Variants in SUPT3H observed in about 807,000 individuals in gnomAD.
The protein encoded by SUPT3H is transcription initiation protein SPT3 homolog.
SUPT3H carries 44 observed loss-of-function variants against 44.3 expected under a neutral mutation model. The observed-to-expected ratio is 0.99, with a 90% CI of 0.78 to 1.28. SUPT3H has a LOEUF of 1.28. Among genes scored for constraint, SUPT3H ranks in the 50% most tolerant of loss-of-function variants. The pLI, the probability that SUPT3H is intolerant of heterozygous loss-of-function variation, is 0.00. For synonymous variants in SUPT3H, 124 were observed against 125.6 expected (o/e 0.99, Z 0.09); for missense variants, 380 against 387.1 (o/e 0.98, Z 0.15).
intron 6 of SUPT3H, among the ~76,000 whole-genome samples, chr6:45,000,146 T>C (rs1582983320): frequency 6.6e-6 from 1 of 151,962 alleles, no homozygotes; most frequent in Non-Finnish European, 1.5e-5. Context: ...ATCTTTGTAG[T>C]ATATAATTCT....
intron 2 of SUPT3H, among the ~76,000 whole-genome samples, chr6:45,330,970 T>C (rs1242186630): frequency 6.6e-6 from 1 of 151,972 alleles, no homozygotes; most frequent in African/African-American, 2.4e-5. Context: ...ATATAATGAT[T>C]ATCACCACCA....
intron 10 of SUPT3H, among the ~76,000 whole-genome samples, chr6:44,917,000 C>A (rs1028344483): frequency 6.7e-6 from 1 of 149,894 alleles, no homozygotes; most frequent in South Asian, 2.1e-4. Context: ...AACAAACAAA[C>A]AAAACTACTT....
intron 10 of SUPT3H, among the ~76,000 whole-genome samples, chr6:44,851,816 A>T (rs758000802): frequency 6.6e-6 from 1 of 152,178 alleles, no homozygotes; most frequent in Non-Finnish European, 1.5e-5. Flanking sequence ...ATTTCTATAA[A>T]AAGCTGCTCA....
At chr6:45,365,091 A>T in intron 2 of SUPT3H, 110 bp downstream of exon 2, 1 of 709,762 alleles carries the variant, frequency 1.4e-6, no homozygotes, top group Non-Finnish European at 2.1e-6. Flanking sequence ...TTACTTGATT[A>T]ATAACAAATT....
At chr6:45,015,898 G>C (rs543547775) in intron 4 of SUPT3H, among the ~76,000 whole-genome samples, 6 of 151,770 alleles carry the variant, frequency 4.0e-5, no homozygotes, top group African/African-American at 1.5e-4. Context: ...AGGTCTTCAA[G>C]GGCAATAGCA....
At chr6:45,015,041 A>T (rs1056919489) in intron 4 of SUPT3H, 150 bp from the exon 5 acceptor site, 4 of 423,170 alleles carry the variant, frequency 9.5e-6, no homozygotes, top group Non-Finnish European at 1.6e-5. Context: ...TGACATAAAA[A>T]GGTAGTCATC....
At chr6:45,151,515 A>C (rs1806968404) in intron 2 of SUPT3H, among the ~76,000 whole-genome samples, 1 of 152,164 alleles carries the variant, frequency 6.6e-6, no homozygotes, top group Non-Finnish European at 1.5e-5. Flanking sequence ...CACAAAGACT[A>C]GATTATAATG....
At chr6:44,844,507 A>G (rs981951998) in intron 10 of SUPT3H, among the ~76,000 whole-genome samples, 2 of 152,224 alleles carry the variant, frequency 1.3e-5, no homozygotes, top group Non-Finnish European at 2.9e-5. Flanking sequence ...TGTCCACTAC[A>G]AAGAAACCAA....
At chr6:45,010,828 G>A (rs1375956062) in intron 5 of SUPT3H, among the ~76,000 whole-genome samples, 1 of 152,030 alleles carries the variant, frequency 6.6e-6, no homozygotes, top group Non-Finnish European at 1.5e-5. Context: ...ATATTCAGAG[G>A]GTGAGGAGGG....
intron 2 of SUPT3H, chr6:45,328,734 C>T (rs75454554): frequency 6.2e-7 from 1 of 1,611,972 alleles, no homozygotes; most frequent in Non-Finnish European, 8.5e-7. Context: ...ACTATGGCAT[C>T]AAACAGCCTC....
intron 5 of SUPT3H, among the ~76,000 whole-genome samples, chr6:45,011,929 T>C (rs548994456): frequency 2.0e-5 from 3 of 152,190 alleles, no homozygotes; most frequent in Admixed American, 6.6e-5. Flanking sequence ...TTTTGAAAGA[T>C]AGTTTTGCTG....
intron 2 of SUPT3H, among the ~76,000 whole-genome samples, chr6:45,342,925 G>A (rs945025383): frequency 2.0e-5 from 3 of 152,094 alleles, no homozygotes; most frequent in African/African-American, 7.2e-5. Flanking sequence ...AAGGACAGCA[G>A]GGGTTTTGGT....
chr6:45,178,502 T>A (rs1323819301), intron 2 of SUPT3H, among the ~76,000 whole-genome samples: 1 of 151,592 alleles, frequency 6.6e-6, no homozygotes, highest in Non-Finnish European at 1.5e-5. Flanking sequence ...ATTAGACAGA[T>A]CAACGAGACA....
chr6:45,226,582 T>C (rs1387647621), intron 2 of SUPT3H, among the ~76,000 whole-genome samples: 2 of 152,252 alleles, frequency 1.3e-5, no homozygotes, highest in East Asian at 3.9e-4. Flanking sequence ...AGTCTTGCTC[T>C]GTCACCCAGT....
intron 2 of SUPT3H, among the ~76,000 whole-genome samples, chr6:45,187,637 T>C (rs1814473546): frequency 6.6e-6 from 1 of 152,234 alleles, no homozygotes; most frequent in African/African-American, 2.4e-5. Context: ...TTATATAATC[T>C]GTTCCAGGAA....
At chr6:44,826,505 A>T (rs948524562), downstream of SUPT3H, among the ~76,000 whole-genome samples, 3 of 152,212 alleles carry the variant, frequency 2.0e-5, no homozygotes, top group Admixed American at 2.0e-4. Flanking sequence ...AAACTGTAAA[A>T]TATTTTATGA....
At position 45,181,449 on chromosome 6, in the gene SUPT3H, T is replaced by C. The variant is rs148168026; in HGVS notation, c.102-75443A>G. Among the ~76,000 whole-genome samples, 800 of 152,182 alleles carry C rather than the reference T, an allele frequency of 5.3e-3. 6 individuals carry two copies. Among genetic ancestry groups the C allele is most frequent in the African/African-American group, 0.018 (745 of 41,496 alleles). On this transcript the variant is annotated intron_variant, in intron 2 of 10. Coordinates refer to ENST00000371459, the MANE Select transcript of SUPT3H (RefSeq NM_003599.4). ...TATTGCGGCATTATTCACAATAGCA[T>C]AGATTTGGAACCAACCCAAATGTCC... is the stretch of plus-strand genomic sequence containing the variant.
intron 2 of SUPT3H, among the ~76,000 whole-genome samples, chr6:45,124,437 C>A (rs1438514166): frequency 2.0e-5 from 3 of 151,646 alleles, no homozygotes; most frequent in Non-Finnish European, 4.4e-5. Flanking sequence ...TGAGGTCAGG[C>A]GTTCAAGACC....
intron 2 of SUPT3H, among the ~76,000 whole-genome samples, chr6:45,202,966 A>T (rs1353656493): frequency 2.6e-5 from 4 of 152,150 alleles, no homozygotes; most frequent in African/African-American, 4.8e-5. Context: ...AGCATCAAAT[A>T]CAAGACAGTA....
Sources: allele counts gnomAD v4.1 joint callset (sites outside exome capture counted in the v4.1 genomes callset), GRCh38; gene constraint gnomAD v4.1.1; transcripts MANE v1.5; gene names NCBI Gene and HGNC (gene_info 2026-07-23, HGNC 2026-07-21).